Variants in MPZL2 observed in about 807,000 individuals in gnomAD.
MPZL2 encodes myelin protein zero-like protein 2.
MPZL2 carries 32 observed loss-of-function variants against 24.5 expected under a neutral mutation model. The ratio of observed to expected loss-of-function variants is 1.31; its 90% CI spans 0.99 to 1.76. The LOEUF (loss-of-function observed/expected upper bound fraction) is 1.76, where lower values mean the gene tolerates loss of function less well. MPZL2 is among the 40% of genes most tolerant of loss of function. MPZL2 has a pLI of 0.00. For missense variants in MPZL2, 304 were observed against 274.9 expected (o/e 1.11, Z -0.75); for synonymous variants, 92 against 97.9 (o/e 0.94, Z 0.36).
At chr11:118,263,865 CCT>C (rs1469697623) in intron 1 of MPZL2, among the ~76,000 whole-genome samples, 1 of 152,098 alleles carries the variant, frequency 6.6e-6, no homozygotes, top group African/African-American at 2.4e-5. Flanking sequence ...ATTAGAAAGC[CCT>C]CTCTGTGCCT....
chr11:118,260,063 T>C lies in MPZL2; in HGVS notation c.575A>G (p.Glu192Gly), dbSNP rs765398163. The C allele has an allele frequency of 3.1e-6, 5 of 1,613,864 alleles. No individual in the cohort carries two copies. The African/African-American group carries it at 6.7e-5, about 22-fold the overall frequency. Reference protein sequence around the residue: ...RWAERAHKVVEIKSKEEERLN... With the variant: ...RWAERAHKVVGIKSKEEERLN... The stretch of plus-strand genomic sequence containing the variant: ...AACTGCCCAGCCTTACGATTTTATC[T>C]CCACCACTTTATGAGCTCTTTCGGC... Residue 192 changes from glutamate to glycine, a missense_variant, in exon 4 of 6, where the codon GAG becomes GGG. Transcript: ENST00000278937.
At chr11:118,260,787 T>C (rs1949695264) in intron 3 of MPZL2, among the ~76,000 whole-genome samples, 1 of 152,190 alleles carries the variant, frequency 6.6e-6, no homozygotes. Context: ...AGCTACAGTC[T>C]AGTGGATAAA....
At chr11:118,258,070 G>A (rs1361602777) in intron 4 of MPZL2, among the ~76,000 whole-genome samples, 1 of 151,930 alleles carries the variant, frequency 6.6e-6, no homozygotes. Flanking sequence ...GATAAATGGT[G>A]CTGGAACAAC....
intron 4 of MPZL2, chr11:118,259,088 AAAATAGTCCAGCT>A (rs937270477): frequency 1.3e-5 from 2 of 152,022 alleles, no homozygotes; most frequent in African/African-American, 2.4e-5. Flanking sequence ...ACAGGAATGC[AAAATAGTCCAGCT>A]GTTTAAAGAC....
At position 118,264,187 on chromosome 11, in the gene MPZL2, C is replaced by T. The variant is rs1400866165; in HGVS notation, c.-34G>A. ...CCCAGCCTTGGCCCCAGAGACCGGA[C>T]GGGGCAGACCGAGGGCTCCAACACC... On this transcript the variant is annotated 5_prime_UTR_variant, in exon 1 of 6. Transcript: ENST00000278937. The T allele has an allele frequency of 1.2e-6, 2 of 1,608,412 alleles. No homozygotes were observed. The highest frequency in any genetic ancestry group is 1.7e-6 in the Non-Finnish European group (2 of 1,175,134).
intron 4 of MPZL2, among the ~76,000 whole-genome samples, chr11:118,258,863 C>T (rs940548567): frequency 2.0e-5 from 3 of 152,134 alleles, no homozygotes; most frequent in Non-Finnish European, 4.4e-5. Flanking sequence ...GGTAAAAGCT[C>T]CCTGAGGCCT....
chr11:118,256,728 G>A (rs986485893), intron 5 of MPZL2, among the ~76,000 whole-genome samples: 8 of 152,012 alleles, frequency 5.3e-5, no homozygotes, highest in Non-Finnish European at 8.8e-5. Flanking sequence ...AAAATTATAC[G>A]CTACTAAAAC....
chr11:118,257,502 T>TA (rs1439002727), intron 4 of MPZL2, 189 bp from the exon 5 acceptor site: 3 of 457,896 alleles, frequency 6.6e-6, no homozygotes, highest in African/African-American at 6.0e-5. Flanking sequence ...CCTCTGAACT[T>TA]AGAGACTTTT....
chr11:118,262,938 T>C lies in MPZL2; in HGVS notation c.218A>G (p.Glu73Gly), dbSNP rs1949711469. 6.2e-7 allele frequency: 1 copy of C among 1,613,938 alleles called. No homozygotes were observed. Among genetic ancestry groups the C allele is most frequent in the Non-Finnish European group, 8.5e-7 (1 of 1,179,920 alleles). ...WNFRPLDGGP[E>G]QFVFYYHIDP... ...TGATGATAATCTACTTACAAACTGC[T>C]CAGGTCCCCCGTCTAGAGGACGAAA... Residue 73 changes from glutamate (E) to glycine (G), a missense_variant, in exon 2 of 6, where the codon GAG becomes GGG. Transcript: ENST00000278937.
In MPZL2 at chr11:118,262,437, C is replaced by G. The variant is rs773549595; in HGVS notation, c.436+1G>C. The G allele has an allele frequency of 6.2e-7, 1 of 1,613,524 alleles. No homozygotes were observed. Among genetic ancestry groups the G allele is most frequent in the Non-Finnish European group, 8.5e-7 (1 of 1,179,936 alleles). On this transcript the variant is annotated splice_donor_variant, in intron 3 of 5. Coordinates refer to ENST00000278937, the MANE Select transcript of MPZL2 (RefSeq NM_005797.4). LOFTEE classifies it high-confidence loss of function. ...AAACCACTGTTCCCTGCATAACCTACCAGTGTGCACGACGCTGAGCCGGAT... is the reference window on the plus strand; with the variant it reads ...AAACCACTGTTCCCTGCATAACCTAGCAGTGTGCACGACGCTGAGCCGGAT...
chr11:118,259,304 AT>A (rs1266503644), intron 4 of MPZL2: 1 of 152,268 alleles, frequency 6.6e-6, no homozygotes, highest in Non-Finnish European at 1.5e-5. Flanking sequence ...TATGTGGTAT[AT>A]TCATACAATG....
chr11:118,263,943 C>T (rs963014045), intron 1 of MPZL2, among the ~76,000 whole-genome samples, 153 bp downstream of exon 1: 1 of 152,148 alleles, frequency 6.6e-6, no homozygotes, highest in Non-Finnish European at 1.5e-5. Context: ...AAACAGTCCA[C>T]CAACTTTGGT....
At chr11:118,259,484 T>C (rs61900882) in intron 4 of MPZL2, 71,045 of 152,042 alleles carry the variant, frequency 0.47, 17,216 homozygotes, top group South Asian at 0.72. Context: ...AGAAAGTAGA[T>C]GAGTAGTTGT....
chr11:118,262,246 C>T (rs934341478), intron 3 of MPZL2, among the ~76,000 whole-genome samples, 192 bp downstream of exon 3: 3 of 152,186 alleles, frequency 2.0e-5, no homozygotes, highest in African/African-American at 7.2e-5. Flanking sequence ...CTTTCCACAG[C>T]CAAACAAAGC....
rs1244437626 is a variant in MPZL2 at position 118,254,909 on chromosome 11, C to G, written c.*337G>C. On this transcript the variant is annotated 3_prime_UTR_variant, in exon 6 of 6. Transcript: ENST00000278937. ...GTAACAGACAAATTGGCTTTTATCC[C>G]TTTTGATACCAATATATGTGTATAC... The G allele has an allele frequency of 6.6e-6, 1 of 152,148 alleles. No individual in the cohort carries two copies. Among genetic ancestry groups the G allele is most frequent in the Non-Finnish European group, 1.5e-5 (1 of 68,036 alleles). 9.4% of individuals were successfully genotyped at this position (152,148 alleles called of 1,614,324 possible). A position where few individuals can be genotyped will look rare whatever the true frequency, so the allele number is the denominator to read the frequency against.
rs1555114102 is a variant in MPZL2 at position 118,264,079 on chromosome 11, A to AGCCG, written c.58+16_58+17insCGGC. The AGCCG allele has an allele frequency of 7.4e-5, 119 of 1,613,422 alleles. No individual in the cohort carries two copies. Among genetic ancestry groups the AGCCG allele is most frequent in the Non-Finnish European group, 9.9e-5 (117 of 1,179,458 alleles). On this transcript the variant is annotated intron_variant, in intron 1 of 5. Transcript: ENST00000278937. ...CAGTGAAGGAGGAAACTCTGAGAGA[A>AGCCG]GCCCGCCGGCTCTTACCTGTGAGCT...
At chr11:118,255,513 C>G (rs980351689) in intron 5 of MPZL2, among the ~76,000 whole-genome samples, 1 of 152,260 alleles carries the variant, frequency 6.6e-6, no homozygotes, top group Middle Eastern at 3.4e-3. Context: ...CTCCCCACTT[C>G]TCACTCTCAT....
chr11:118,264,052 A>T, intron 1 of MPZL2, 44 bp downstream of exon 1: 1 of 1,570,456 alleles, frequency 6.4e-7, no homozygotes, highest in Non-Finnish European at 8.8e-7. Context: ...TTATAGAGTG[A>T]GCAGTGAAGG....
chr11:118,263,784 C>T (rs988479973), intron 1 of MPZL2, among the ~76,000 whole-genome samples: 1 of 152,064 alleles, frequency 6.6e-6, no homozygotes, highest in Non-Finnish European at 1.5e-5. Context: ...CACAGAAATC[C>T]AAATGCCAAG....
Sources: allele counts gnomAD v4.1 joint callset (sites outside exome capture counted in the v4.1 genomes callset), GRCh38; gene constraint gnomAD v4.1.1; transcripts MANE v1.5; gene names NCBI Gene and HGNC (gene_info 2026-07-23, HGNC 2026-07-21).